Variants in KIAA1217 observed in about 807,000 individuals in gnomAD.
KIAA1217 encodes sickle tail protein homolog.
Under a neutral mutation model 163.9 loss-of-function variants are expected in KIAA1217, and 88 were observed. The observed-to-expected ratio is 0.54, with a 90% CI of 0.45 to 0.64. The LOEUF is 0.64. Among genes scored for constraint, KIAA1217 ranks in the 30% least tolerant of loss-of-function variants. KIAA1217 has a pLI of 0.00. For missense variants in KIAA1217, 2,372 were observed against 2,475.0 expected, an observed-to-expected ratio of 0.96 and a Z score of 0.88; for synonymous variants, 903 against 923.1, an observed-to-expected ratio of 0.98 and a Z score of 0.39.
At chr10:24,221,436 G>C (rs1590011633) in intron 2 of KIAA1217, among the ~76,000 whole-genome samples, 1 of 152,182 alleles carries the variant, frequency 6.6e-6, no homozygotes, top group East Asian at 1.9e-4. Flanking sequence ...TAAGTCTGCT[G>C]TCTTCCCAGT....
rs757098540 is a variant in KIAA1217, at chr10:24,524,393, G to C, written c.2527G>C (p.Ala843Pro). ...CGCACAGTACATGGCTATGGAAAAG[G>C]CCACAGCCGCAGAAGTCCTGAAGAG... is the stretch of plus-strand genomic sequence containing the variant. ...QAAQYMAMEK[A>P]TAAEVLKSQE... The change falls in exon 13 of 21, where the codon GCC becomes CCC. Residue 843 changes from alanine to proline, a missense_variant. Ala to Pro is a conservative substitution (Grantham distance 27). Coordinates refer to ENST00000376454, the MANE Select transcript of KIAA1217 (RefSeq NM_019590.5). The C allele has an allele frequency of 6.2e-7, 1 of 1,614,196 alleles. No individual in the cohort carries two copies. Among genetic ancestry groups the C allele is most frequent in the Non-Finnish European group, 8.5e-7 (1 of 1,180,040 alleles).
At chr10:23,784,004 T>C (rs947801172) in intron 1 of KIAA1217, among the ~76,000 whole-genome samples, 1 of 152,090 alleles carries the variant, frequency 6.6e-6, no homozygotes, top group Non-Finnish European at 1.5e-5. Context: ...AAAAAACTTT[T>C]GTTGGTTTTT....
chr10:24,466,796 T>A, intron 5 of KIAA1217: 1 of 985,254 alleles, frequency 1.0e-6, no homozygotes, highest in Non-Finnish European at 1.2e-6. Context: ...AAAAAGTAAG[T>A]GGCTTTAATT....
rs1286437180 is a variant in KIAA1217, at chr10:24,524,515, G to T, written c.2649G>T (p.Met883Ile). The change falls in exon 13 of 21, where the codon ATG becomes ATT. Residue 883 changes from methionine to isoleucine, a missense_variant. Physicochemically the swap from Met to Ile is conservative, Grantham distance 10 (BLOSUM62 1). Transcript: ENST00000376454. ...AAGTGGTGCCTTTGTCCGGCATGAT[G>T]GTTCGCCACGCGCAGAGCTCCCCTG... ...KSEVVPLSGMMVRHAQSSPVV... is the reference protein window; with the variant it reads ...KSEVVPLSGMIVRHAQSSPVV... The T allele has an allele frequency of 1.2e-6, 2 of 1,614,108 alleles. No homozygotes were observed. Among genetic ancestry groups the T allele is most frequent in the Admixed American group, 1.7e-5 (1 of 60,016 alleles).
intron 2 of KIAA1217, among the ~76,000 whole-genome samples, chr10:24,044,681 A>G (rs548042216): frequency 9.9e-5 from 15 of 152,238 alleles, no homozygotes; most frequent in African/African-American, 3.4e-4. Flanking sequence ...TTAGTTTTCC[A>G]TCATCCATCT....
chr10:24,211,398 G>A (rs1240427162), intron 1 of KIAA1217, among the ~76,000 whole-genome samples: 1 of 139,910 alleles, frequency 7.1e-6, no homozygotes, highest in Non-Finnish European at 1.5e-5. Context: ...TTTAGAGAGG[G>A]TCTCATTTGT....
rs188002527 is a variant in KIAA1217 at position 24,003,299 on chromosome 10, G to A, written c.-320-3926G>A. Among the ~76,000 whole-genome samples, 5 of 152,176 alleles carry A rather than the reference G, an allele frequency of 3.3e-5. No homozygotes were observed. In the East Asian group the frequency reaches 9.6e-4, roughly 29 times the overall value. On this transcript the variant is annotated intron_variant, in intron 1 of 18. Transcript: ENST00000376462. ...CAGCATAAAAGTGTCCCCTTTATAC[G>A]ACATCCACGCCAACATCTATTATTT...
chr10:24,218,283 A>G (rs927761209), intron 1 of KIAA1217, among the ~76,000 whole-genome samples: 1 of 151,828 alleles, frequency 6.6e-6, no homozygotes, highest in African/African-American at 2.4e-5. Flanking sequence ...CATGCTCCCC[A>G]CTCTCAGCAT....
At chr10:24,183,906 C>T (rs997943895) in intron 2 of KIAA1217, among the ~76,000 whole-genome samples, 22 of 152,190 alleles carry the variant, frequency 1.4e-4, no homozygotes, top group African/African-American at 5.1e-4. Context: ...CTTCTGCAAA[C>T]TAAATATCCC....
At chr10:24,317,664 T>C (rs557249521) in intron 2 of KIAA1217, among the ~76,000 whole-genome samples, 1 of 152,340 alleles carries the variant, frequency 6.6e-6, no homozygotes, top group African/African-American at 2.4e-5. Context: ...AGAATATGCA[T>C]GTCTGGAACT....
At chr10:24,233,002 A>G (rs1407278732) in intron 2 of KIAA1217, among the ~76,000 whole-genome samples, 1 of 150,588 alleles carries the variant, frequency 6.6e-6, no homozygotes, top group Middle Eastern at 3.2e-3. Flanking sequence ...GTGTACACCT[A>G]CAGTCCCAGA....
At chr10:24,012,271 C>G (rs1847265095) in intron 2 of KIAA1217, among the ~76,000 whole-genome samples, 1 of 152,006 alleles carries the variant, frequency 6.6e-6, no homozygotes, top group Non-Finnish European at 1.5e-5. Context: ...CAATATAAAT[C>G]CTAAAGAGAA....
At chr10:23,999,831 G>A (rs560114499) in intron 1 of KIAA1217, among the ~76,000 whole-genome samples, 18 of 152,244 alleles carry the variant, frequency 1.2e-4, no homozygotes, top group East Asian at 9.7e-4. Context: ...AGGCCAAGGC[G>A]AGAGGATCGC....
At chr10:24,296,325 C>G (rs1441835387) in intron 2 of KIAA1217, among the ~76,000 whole-genome samples, 2 of 152,126 alleles carry the variant, frequency 1.3e-5, no homozygotes, top group Non-Finnish European at 2.9e-5. Context: ...TGGTTGGTCT[C>G]AAACTCCTGG....
intron 1 of KIAA1217, among the ~76,000 whole-genome samples, chr10:23,744,025 G>A (rs1355274919): frequency 6.6e-6 from 1 of 152,172 alleles, no homozygotes; most frequent in African/African-American, 2.4e-5. Context: ...TAGTTTTCTA[G>A]TAGAAAAGTG....
intron 6 of KIAA1217, among the ~76,000 whole-genome samples, chr10:24,484,075 G>A (rs1042127970): frequency 6.6e-6 from 1 of 151,250 alleles, no homozygotes; most frequent in Admixed American, 6.6e-5. Context: ...CTAATAAGGG[G>A]ATGATAATCT....
At chr10:23,956,775 A>G (rs975407126) in intron 1 of KIAA1217, among the ~76,000 whole-genome samples, 7 of 152,158 alleles carry the variant, frequency 4.6e-5, no homozygotes, top group Admixed American at 4.6e-4. Context: ...GGAGCAAGAG[A>G]GTGATTTGGG....
intron 2 of KIAA1217, chr10:24,158,539 A>T: frequency 1.9e-6 from 1 of 515,216 alleles, no homozygotes; most frequent in South Asian, 1.4e-5. Context: ...ATTCATCATG[A>T]TTGGTGTAAA....
rs145333583 is a variant in KIAA1217 at position 23,901,076 on chromosome 10, T to C, written c.-320-106149T>C. ...TAATGTTTTTATTTAACCACAATAA[T>C]AAGCACTAACACTTCTGAATGCTTA... On this transcript the variant is annotated intron_variant, in intron 1 of 18. Coordinates refer to the KIAA1217 transcript ENST00000376462. 4.3e-3 allele frequency among the ~76,000 whole-genome samples: 659 copies of C among 152,262 alleles called. 9 individuals are homozygous for C. Among genetic ancestry groups the C allele is most frequent in the African/African-American group, 0.014 (599 of 41,572 alleles).
Sources: allele counts gnomAD v4.1 joint callset (sites outside exome capture counted in the v4.1 genomes callset), GRCh38; gene constraint gnomAD v4.1.1; transcripts MANE v1.5; gene names NCBI Gene and HGNC (gene_info 2026-07-23, HGNC 2026-07-21).